Variants in FRMD1 observed in about 807,000 individuals in gnomAD.
FRMD1 encodes FERM domain-containing protein 1.
A neutral mutation model predicts 54.9 loss-of-function variants in FRMD1; 51 were observed. That is an observed-to-expected ratio of 0.93 (90% CI 0.74 to 1.17). The LOEUF (loss-of-function observed/expected upper bound fraction) is 1.17, where lower values mean the gene tolerates loss of function less well. Among genes scored for constraint, FRMD1 ranks in the 50% most tolerant of loss-of-function variants. The pLI is 0.00. For missense variants in FRMD1, 729 were observed against 743.0 expected, an observed-to-expected ratio of 0.98 and a Z score of 0.22; for synonymous variants, 324 against 306.4, an observed-to-expected ratio of 1.06 and a Z score of -0.60.
At chr6:168,079,960 C>T (rs1484661452), upstream of FRMD1, among the ~76,000 whole-genome samples, 2 of 152,174 alleles carry the variant, frequency 1.3e-5, no homozygotes, top group Non-Finnish European at 2.9e-5. Flanking sequence ...ACCACCCAGA[C>T]CTTTGGGCGC....
chr6:168,089,886 C>A (rs1421610596), intron 1 of FRMD1, among the ~76,000 whole-genome samples: 1 of 152,208 alleles, frequency 6.6e-6, no homozygotes, highest in African/African-American at 2.4e-5. Flanking sequence ...GGCACGAATC[C>A]CGCTGGCGCT....
chr6:168,077,963 G>A (rs571810334), intron 1 of FRMD1, among the ~76,000 whole-genome samples: 10 of 152,268 alleles, frequency 6.6e-5, no homozygotes, highest in South Asian at 4.2e-4. Context: ...AGATGTGGGC[G>A]TTTACGTAAA....
In FRMD1 at chr6:168,053,684, ATG is replaced by A. The variant is rs1799328459; in HGVS notation, c.*3411_*3412del. On this transcript the variant is annotated 3_prime_UTR_variant, in exon 11 of 11. Coordinates refer to ENST00000283309, the MANE Select transcript of FRMD1 (RefSeq NM_024919.6). ...TTTACAAACTGATAAACCTTTGTGA[ATG>A]CACTCGCAGGGCCGCAGAGCTCAGC... 2.6e-5 allele frequency: 4 copies of A among 152,236 alleles called. No homozygotes were observed. Among genetic ancestry groups the A allele is most frequent in the Non-Finnish European group, 4.4e-5 (3 of 68,064 alleles). The allele number at this position is 152,236 out of a possible 1,614,324, so 9.4% of individuals were successfully genotyped here.
At chr6:168,062,839 G>T (rs544020347) in intron 7 of FRMD1, 55 bp downstream of exon 7, 41 of 1,603,180 alleles carry the variant, frequency 2.6e-5, no homozygotes, top group Non-Finnish European at 3.2e-5. Context: ...GGGGAAGGGA[G>T]GAGGGGGTGG....
intron 1 of FRMD1, among the ~76,000 whole-genome samples, chr6:168,078,598 C>G (rs1204112127): frequency 8.2e-6 from 1 of 121,282 alleles, no homozygotes; most frequent in Non-Finnish European, 1.7e-5. Context: ...CCCCACGGCT[C>G]TGCTCACCCT....
chr6:168,078,637 C>T (rs1439020243), intron 1 of FRMD1, among the ~76,000 whole-genome samples: 8 of 138,368 alleles, frequency 5.8e-5, no homozygotes, highest in Middle Eastern at 7.6e-3. Context: ...CACAGCCTTG[C>T]TCACCCCCAC....
chr6:168,066,749 CGTT>C lies in FRMD1; in HGVS notation c.461+3_461+5del, dbSNP rs756254001. On this transcript the variant is annotated splice_donor_5th_base_variant and intron_variant, in intron 4 of 10. Coordinates refer to ENST00000283309, the MANE Select transcript of FRMD1 (RefSeq NM_024919.6). ...GAAACACCCCTTACAGTCCGCATGC[CGTT>C]ACCTTATGACCCTTCCGTTTTCCAC... is the stretch of plus-strand genomic sequence containing the variant. The C allele has an allele frequency of 1.1e-5, 18 of 1,611,834 alleles. No individual in the cohort carries two copies. The highest frequency in any genetic ancestry group is 1.2e-5 in the Non-Finnish European group (14 of 1,179,348).
rs1799603873 is a variant in FRMD1 at position 168,059,492 on chromosome 6, C to T, written c.1343-304G>A. ...TCCCTTCCTGGTGGACCAGACACTC[C>T]AAGGGCAATGGCGGACACAGTGGCT... is the stretch of plus-strand genomic sequence containing the variant. On this transcript the variant is annotated intron_variant, in intron 9 of 10. Transcript: ENST00000283309. This position sits in a 1 kb window ranked among gnomAD's most constrained non-coding sequence, Gnocchi z 4.4. Among the ~76,000 whole-genome samples, 1 of 152,188 alleles carries T rather than the reference C, an allele frequency of 6.6e-6. No homozygotes were observed. The highest frequency in any genetic ancestry group is 1.5e-5 in the Non-Finnish European group (1 of 68,034).
chr6:168,060,753 G>T lies in FRMD1; in HGVS notation c.1342+8C>A. ...TCCCTGAGGCCTGGGCATCTCCCTCGGGCCCACCTTGGCTGTCACCACGTG... is the reference window on the plus strand; with the variant it reads ...TCCCTGAGGCCTGGGCATCTCCCTCTGGCCCACCTTGGCTGTCACCACGTG... On this transcript the variant is annotated splice_region_variant and intron_variant, in intron 9 of 10. Transcript: ENST00000283309. 6.2e-7 allele frequency: 1 copy of T among 1,602,882 alleles called. No homozygotes were observed. The highest frequency in any genetic ancestry group is 2.2e-5 in the East Asian group (1 of 44,604).
chr6:168,078,588 CCCCACGG>C (rs1800698522), intron 1 of FRMD1, among the ~76,000 whole-genome samples: 1 of 137,760 alleles, frequency 7.3e-6, no homozygotes, highest in African/African-American at 2.8e-5. Context: ...CCCTGCTCAC[CCCCACGG>C]CTCTGCTCAC....
At chr6:168,058,534 A>G (rs887286327) in intron 10 of FRMD1, among the ~76,000 whole-genome samples, 3 of 31,424 alleles carry the variant, frequency 9.5e-5, no homozygotes, top group African/African-American at 3.8e-4. Flanking sequence ...AGGGGGCCTC[A>G]CCCTCCTGTG....
In FRMD1 at chr6:168,061,979, T is replaced by A; in HGVS notation, c.873A>T (p.Gly291=). Reference sequence around the variant, plus strand: ...CATCCAGCTGGATCTCCAGCTTCTTTCCCTGAGCAAACAGGAGAGAAGTTG... The same window carrying A: ...CATCCAGCTGGATCTCCAGCTTCTTACCCTGAGCAAACAGGAGAGAAGTTG... ...LALRGVHIYQ[G]KKLEIQLDGL... is the part of the protein sequence containing the mutation. The change falls in exon 8 of 11, where the codon GGA becomes GGT. Residue 291 remains glycine (G), a splice_region_variant and synonymous_variant. Transcript: ENST00000283309. 2 of 1,592,572 alleles carry A rather than the reference T, an allele frequency of 1.3e-6. No individual in the cohort carries two copies. The highest frequency in any genetic ancestry group is 2.3e-5 in the East Asian group (1 of 43,756).
chr6:168,084,828 C>T (rs984385325), upstream of FRMD1, among the ~76,000 whole-genome samples: 7 of 152,254 alleles, frequency 4.6e-5, no homozygotes, highest in African/African-American at 1.7e-4. Context: ...TCCCGCCTCC[C>T]ACCTCATTCC....
At chr6:168,068,953 C>T (rs555869208) in intron 2 of FRMD1, among the ~76,000 whole-genome samples, 145 of 152,348 alleles carry the variant, frequency 9.5e-4, no homozygotes, top group African/African-American at 2.9e-3. Flanking sequence ...CTCTTCTAGA[C>T]GGCGTTAGAC....
intron 2 of FRMD1, among the ~76,000 whole-genome samples, chr6:168,069,113 C>T (rs960184593): frequency 6.6e-6 from 1 of 152,358 alleles, no homozygotes; most frequent in East Asian, 1.9e-4. Flanking sequence ...CCAATCCCTA[C>T]ATCTTCAACC....
At position 168,054,546 on chromosome 6, in the gene FRMD1, T is replaced by A. The variant is rs1799345296; in HGVS notation, c.*2551A>T. On this transcript the variant is annotated 3_prime_UTR_variant, in exon 11 of 11. Transcript: ENST00000283309. Reference sequence around the variant, plus strand: ...AAGCCCCCCTGTACACAGCGGCTTCTGCTGTTTGCAGGCCACCCCCAGCCC... The same window carrying A: ...AAGCCCCCCTGTACACAGCGGCTTCAGCTGTTTGCAGGCCACCCCCAGCCC... The A allele has an allele frequency of 6.7e-6, 1 of 148,538 alleles. No individual in the cohort carries two copies. The allele number at this position is 148,538 out of a possible 1,614,324, so 9.2% of individuals were successfully genotyped here.
rs1255822155 is a variant in FRMD1 at position 168,061,974 on chromosome 6, TTC to T, written c.876_877del (p.Lys293AlafsTer68). The stretch of plus-strand genomic sequence containing the variant: ...CAGCCCATCCAGCTGGATCTCCAGC[TTC>T]TTTCCCTGAGCAAACAGGAGAGAAG... On this transcript the variant is annotated frameshift_variant, in exon 8 of 11. Transcript: ENST00000283309. LOFTEE classifies it high-confidence loss of function. 2 of 1,594,448 alleles carry T rather than the reference TTC, an allele frequency of 1.3e-6. No homozygotes were observed. Among genetic ancestry groups the T allele is most frequent in the African/African-American group, 2.7e-5 (2 of 74,348 alleles).
rs779747110 is a variant in FRMD1, at chr6:168,063,730, G to A, written c.675C>T (p.Tyr225=). 8.1e-6 allele frequency: 13 copies of A among 1,613,284 alleles called. No individual in the cohort carries two copies. Among genetic ancestry groups the A allele is most frequent in the Non-Finnish European group, 1.1e-5 (13 of 1,179,580 alleles). ...QWIITKRGID[Y]ILRHMPTLHR... ...GCAGGGTAGGCATGTGCCGGAGGAT[G>A]TAGTCAATCCCCCTCTTGGTGATGA... is the stretch of plus-strand genomic sequence containing the variant. Residue 225 remains tyrosine (Y), a synonymous_variant, in exon 6 of 11, where the codon TAC becomes TAT. Transcript: ENST00000283309.
intron 2 of FRMD1, among the ~76,000 whole-genome samples, chr6:168,070,185 G>C (rs1018897467): frequency 2.5e-4 from 38 of 151,162 alleles, no homozygotes; most frequent in African/African-American, 8.5e-4. Flanking sequence ...GGGTGGCAGA[G>C]TGAGATGAAG....
Sources: allele counts gnomAD v4.1 joint callset (sites outside exome capture counted in the v4.1 genomes callset), GRCh38; gene constraint gnomAD v4.1.1; non-coding constraint Gnocchi (gnomAD v3.1); transcripts MANE v1.5; gene names NCBI Gene and HGNC (gene_info 2026-07-23, HGNC 2026-07-21).